NUP214: variants seen among roughly 807,000 people sequenced by gnomAD.
The protein encoded by NUP214 is nuclear pore complex protein Nup214.
In NUP214, 79 loss-of-function variants were observed where a neutral mutation model predicts 196.2. That is an observed-to-expected ratio of 0.40 (90% CI 0.34 to 0.49). The LOEUF (loss-of-function observed/expected upper bound fraction) is 0.49, where lower values mean the gene tolerates loss of function less well. Among genes scored for constraint, NUP214 ranks in the 20% least tolerant of loss-of-function variants. NUP214 has a pLI of 0.58. For missense variants in NUP214, 2,468 were observed against 2,539.0 expected (o/e 0.97, Z 0.60); for synonymous variants, 1,020 against 990.5 (o/e 1.03, Z -0.56).
Position 131,133,212 on chromosome 9 carries a change from A to C in NUP214, c.831+3A>C, listed in dbSNP as rs768925930. 2 of 1,499,418 alleles carry C rather than the reference A, an allele frequency of 1.3e-6. No homozygotes were observed. Among genetic ancestry groups the C allele is most frequent in the South Asian group, 2.6e-5 (2 of 77,826 alleles). The allele number at this position is 1,499,418 out of a possible 1,614,324, so 92.9% of individuals were successfully genotyped here. ...ATGTGGTGATGGCTCTACTACCGGT[A>C]TGCCTGTGGAAGAAATTTCATTGTT... On this transcript the variant is annotated splice_donor_region_variant and intron_variant, in intron 7 of 35. Coordinates refer to ENST00000359428, the MANE Select transcript of NUP214 (RefSeq NM_005085.4).
chr9:131,128,242 C>A, intron 2 of NUP214, 90 bp from the exon 3 acceptor site: 1 of 1,283,434 alleles, frequency 7.8e-7, no homozygotes, highest in African/African-American at 1.5e-5. Context: ...TATGTAGATG[C>A]AAAAATTTTT....
chr9:131,152,008 T>C (rs1832283920), intron 17 of NUP214, 114 bp downstream of exon 17: 2 of 782,274 alleles, frequency 2.6e-6, no homozygotes, highest in African/African-American at 3.6e-5. Context: ...TTGTTGATTT[T>C]CTGCTTATAA....
intron 32 of NUP214, among the ~76,000 whole-genome samples, chr9:131,223,727 A>ATTTATTTATTTATTTTTATTTTTTTTT: frequency 6.4e-5 from 1 of 15,642 alleles, no homozygotes; most frequent in Non-Finnish European, 1.4e-4. Flanking sequence ...TTATTTATTT[A>ATTTATTTATTTATTTTTATTTTTTTTT]TTTTTTTTTT....
chr9:131,190,334 G>A, intron 26 of NUP214: 1 of 592,718 alleles, frequency 1.7e-6, no homozygotes. Context: ...CTTGGAGTTA[G>A]AATCAAAGAA....
In NUP214 at chr9:131,146,366, G is replaced by A; in HGVS notation, c.1945+62G>A. ...TGCCTTCTCAGATTAACGGTTTTAA[G>A]TGTTAAGAGTCGTAGCTAACATAGT... On this transcript the variant is annotated intron_variant, in intron 13 of 35. Transcript: ENST00000359428. The surrounding 1 kb of genome is among the most constrained non-coding windows in gnomAD (Gnocchi z 4.6). The A allele has an allele frequency of 6.6e-7, 1 of 1,512,368 alleles. No individual in the cohort carries two copies. The highest frequency in any genetic ancestry group is 9.1e-7 in the Non-Finnish European group (1 of 1,095,314). 93.7% of individuals were successfully genotyped at this position (1,512,368 alleles called of 1,614,324 possible).
rs1831323443 is a variant in NUP214, at chr9:131,125,640, C to G, written c.-65C>G. ...GGGAGGAAGTTTGCTGTCGAGCGGC[C>G]TGGGTTCCGTGGGCAAGGCCGTGGG... On this transcript the variant is annotated 5_prime_UTR_variant, in exon 1 of 36. Transcript: ENST00000359428. This position sits in a 1 kb window ranked among gnomAD's most constrained non-coding sequence, Gnocchi z 4.1. 9.7e-6 allele frequency: 15 copies of G among 1,547,380 alleles called. No homozygotes were observed. Among genetic ancestry groups the G allele is most frequent in the African/African-American group, 2.7e-5 (2 of 72,868 alleles).
chr9:131,162,154 A>G (rs1482103854), intron 18 of NUP214, among the ~76,000 whole-genome samples: 3 of 152,202 alleles, frequency 2.0e-5, no homozygotes, highest in African/African-American at 7.2e-5. Flanking sequence ...ACTATAGACA[A>G]TTGTAACACA....
intron 34 of NUP214, 62 bp downstream of exon 34, chr9:131,230,831 A>G: frequency 6.5e-7 from 1 of 1,549,740 alleles, no homozygotes; most frequent in Non-Finnish European, 8.7e-7. Context: ...TCTCCCCCAA[A>G]GAAATGAGTA....
intron 27 of NUP214, among the ~76,000 whole-genome samples, chr9:131,192,981 C>G (rs114195260): frequency 7.0e-6 from 1 of 143,180 alleles, no homozygotes; most frequent in Non-Finnish European, 1.5e-5. Context: ...CTTACTGCAT[C>G]GAGAGTACAG....
chr9:131,226,473 A>C (rs763577154), intron 32 of NUP214, among the ~76,000 whole-genome samples: 2 of 151,894 alleles, frequency 1.3e-5, no homozygotes, highest in African/African-American at 2.4e-5. Context: ...TTTCTGTATC[A>C]TCATGACTTC....
chr9:131,158,989 T>A (rs935491267), intron 17 of NUP214: 3 of 162,136 alleles, frequency 1.9e-5, no homozygotes, highest in Non-Finnish European at 4.0e-5. Flanking sequence ...TCAAGTGATC[T>A]GCTTGCCTCA....
chr9:131,126,189 T>C (rs1301381836), intron 1 of NUP214: 1 of 188,666 alleles, frequency 5.3e-6, no homozygotes, highest in Non-Finnish European at 1.1e-5. Context: ...CCAGTACTTC[T>C]GTAAGGTGAT....
rs71389396 is a variant in NUP214 at position 131,132,119 on chromosome 9, C to CTTTT, written c.664-464_664-461dup. On this transcript the variant is annotated intron_variant, in intron 5 of 35. Coordinates refer to ENST00000359428, the MANE Select transcript of NUP214 (RefSeq NM_005085.4). Reference sequence around the variant, plus strand: ...TTCATGCGTTTCTTTTCTTTTCTTTCTTTTTTTTTTTTTTTTGGAGACCAA... The same window carrying CTTTT: ...TTCATGCGTTTCTTTTCTTTTCTTTCTTTTTTTTTTTTTTTTTTTTGGAGACCAA... 9.6e-3 allele frequency among the ~76,000 whole-genome samples: 1,102 copies of CTTTT among 114,534 alleles called. 41 individuals are homozygous for CTTTT. The highest frequency in any genetic ancestry group is 0.038 in the African/African-American group (1,057 of 27,600). 75.1% of individuals were successfully genotyped at this position (114,534 alleles called of 152,430 possible).
Position 131,164,093 on chromosome 9 carries a change from A to C in NUP214, c.2842A>C (p.Arg948=), listed in dbSNP as rs1832717846. The change falls in exon 21 of 36, where the codon AGA becomes CGA. Residue 948 remains arginine (R), a synonymous_variant. Transcript: ENST00000359428. The part of the protein sequence containing the change: ...KLSPMKQAQL[R]NFLAKRKTPP... ...GTCCCCCATGAAACAGGCACAACTGAGAAACTTCTTGGCCAAGAGGAAGAC... is the reference window on the plus strand; with the variant it reads ...GTCCCCCATGAAACAGGCACAACTGCGAAACTTCTTGGCCAAGAGGAAGAC... 2.5e-6 allele frequency: 4 copies of C among 1,614,172 alleles called. No homozygotes were observed. Among genetic ancestry groups the C allele is most frequent in the Non-Finnish European group, 2.5e-6 (3 of 1,180,022 alleles).
rs1283740416 is a variant in NUP214 at position 131,144,148 on chromosome 9, G to A, written c.1295-132G>A. The stretch of plus-strand genomic sequence containing the variant: ...TCCAACATGAACTGTGTACCCATGT[G>A]TTCTTTTTGCTTCTTAAACTAGTAA... On this transcript the variant is annotated intron_variant, in intron 11 of 35. Transcript: ENST00000359428. 8 of 729,568 alleles carry A rather than the reference G, an allele frequency of 1.1e-5. No homozygotes were observed. The East Asian group carries it at 2.0e-4, about 18-fold the overall frequency. 45.2% of individuals were successfully genotyped at this position (729,568 alleles called of 1,614,324 possible).
intron 34 of NUP214, among the ~76,000 whole-genome samples, chr9:131,231,912 C>CAAAAAAA (rs900440054): frequency 2.3e-5 from 1 of 43,974 alleles, no homozygotes; most frequent in Non-Finnish European, 4.8e-5. Flanking sequence ...ACAACAACAG[C>CAAAAAAA]AAAAAAAAAA....
rs1038828362 is a variant in NUP214 at position 131,140,490 on chromosome 9, T to C, written c.1133-59T>C. On this transcript the variant is annotated intron_variant, in intron 10 of 35. Coordinates refer to ENST00000359428, the MANE Select transcript of NUP214 (RefSeq NM_005085.4). ...TTCATGTTGAGGGCAGTCTTTGCCT[T>C]CTGGGCTCAGGCCCTTAAATTCACT... The C allele has an allele frequency of 1.0e-5, 15 of 1,493,742 alleles. No individual in the cohort carries two copies. In the Admixed American group the frequency reaches 2.4e-4, roughly 24 times the overall value. 92.5% of individuals were successfully genotyped at this position (1,493,742 alleles called of 1,614,324 possible).
intron 21 of NUP214, among the ~76,000 whole-genome samples, chr9:131,168,923 C>T (rs1224718779): frequency 6.6e-6 from 1 of 152,022 alleles, no homozygotes; most frequent in African/African-American, 2.4e-5. Context: ...TTAGAAAGCA[C>T]TACTGCCACA....
rs372511317 is a variant in NUP214, at chr9:131,127,519, A to G, written c.46-5A>G. The G allele has an allele frequency of 3.3e-5, 52 of 1,599,240 alleles. No individual in the cohort carries two copies. In the African/African-American group the frequency reaches 6.5e-4, roughly 20 times the overall value. Reference sequence around the variant, plus strand: ...AATTGATCTCGTTTTGATTCTTCACAACAGGATTTTCAGTTTAGAGCGCTA... The same window carrying G: ...AATTGATCTCGTTTTGATTCTTCACGACAGGATTTTCAGTTTAGAGCGCTA... On this transcript the variant is annotated splice_polypyrimidine_tract_variant and splice_region_variant and intron_variant, in intron 1 of 35. Transcript: ENST00000359428.
Sources: gnomAD v4.1 joint callset for allele counts (sites outside exome capture counted in the v4.1 genomes callset) on GRCh38, gnomAD v4.1.1 for gene constraint, Gnocchi (gnomAD v3.1) non-coding constraint, MANE v1.5 for transcripts, NCBI Gene and HGNC (gene_info 2026-07-23, HGNC 2026-07-21) for gene names.